Variants in TRPM2 observed in about 807,000 individuals in gnomAD.
TRPM2 encodes transient receptor potential cation channel subfamily M member 2.
A neutral mutation model predicts 174.0 loss-of-function variants in TRPM2; 161 were observed. That is an observed-to-expected ratio of 0.93 (90% CI 0.81 to 1.05). The LOEUF is 1.05. Ranked by LOEUF, TRPM2 falls within the 50% of genes least tolerant of loss-of-function variation. The probability of loss-of-function intolerance (pLI) is 0.00; values close to 1 mark genes in which losing one functional copy is unlikely to be tolerated. For synonymous variants in TRPM2, 954 were observed against 861.3 expected (o/e 1.11, Z -1.88); for missense variants, 2,057 against 2,038.0 (o/e 1.01, Z -0.18).
chr21:44,406,746 G>T lies in TRPM2; in HGVS notation c.2943G>T (p.Gln981His). The part of the protein sequence containing the change: ...VYHSYLTIFG[Q>H]IPGYIDGVNF... ...ACTCCTACCTCACCATCTTCGGGCAGATCCCGGGCTACATCGACGGTAGGA... is the reference window on the plus strand; with the variant it reads ...ACTCCTACCTCACCATCTTCGGGCATATCCCGGGCTACATCGACGGTAGGA... The change falls in exon 19 of 32, where the codon CAG (glutamine) becomes CAT (histidine). Residue 981 changes from glutamine (Q) to histidine (H), a missense_variant. Transcript: ENST00000397928. 1 of 1,606,218 alleles carries T rather than the reference G, an allele frequency of 6.2e-7. No homozygotes were observed. The highest frequency in any genetic ancestry group is 8.5e-7 in the Non-Finnish European group (1 of 1,178,150).
intron 22 of TRPM2, 149 bp downstream of exon 22, chr21:44,418,704 T>C (rs1233851954): frequency 4.7e-6 from 5 of 1,054,728 alleles, no homozygotes; most frequent in Non-Finnish European, 7.0e-6. Flanking sequence ...CCTGCAATGC[T>C]GCAGGCATCC....
intron 9 of TRPM2, among the ~76,000 whole-genome samples, chr21:44,383,817 C>G (rs904351448): frequency 2.0e-5 from 3 of 152,070 alleles, no homozygotes; most frequent in African/African-American, 4.8e-5. Flanking sequence ...CCAATGAAAA[C>G]AAAAGCACAA....
rs932214292 is a variant in TRPM2, at chr21:44,405,163, T to C, written c.2560T>C (p.Cys854Arg). The C allele has an allele frequency of 3.7e-6, 6 of 1,613,258 alleles. No homozygotes were observed. The highest frequency in any genetic ancestry group is 1.6e-4 in the Middle Eastern group (1 of 6,084). The change falls in exon 17 of 32, where the codon TGC becomes CGC. Residue 854 changes from cysteine (C) to arginine (R), a missense_variant. Physicochemically the swap from Cys to Arg is radical, Grantham distance 180. Transcript: ENST00000397928. Reference sequence around the variant, plus strand: ...GTAGCTCTTCTATGACCCTGACGAGTGCGGGCTGATGAAGAAGGCAGCCTT... The same window carrying C: ...GTAGCTCTTCTATGACCCTGACGAGCGCGGGCTGATGAAGAAGGCAGCCTT... Reference protein sequence around the residue: ...MRQLFYDPDECGLMKKAALYF... With the variant: ...MRQLFYDPDERGLMKKAALYF...
intron 16 of TRPM2, among the ~76,000 whole-genome samples, chr21:44,404,556 C>T (rs1273590046): frequency 6.6e-6 from 1 of 152,202 alleles, no homozygotes; most frequent in Non-Finnish European, 1.5e-5. Context: ...CCTCACTGAC[C>T]CAGCTCTCTT....
chr21:44,430,417 CT>C (rs1192354581), intron 27 of TRPM2, among the ~76,000 whole-genome samples: 10 of 43,568 alleles, frequency 2.3e-4, no homozygotes, highest in Admixed American at 7.1e-4. Flanking sequence ...AAGTGGATTT[CT>C]TTTTTTTTTT....
At chr21:44,402,470 C>T (rs998560003) in intron 16 of TRPM2, among the ~76,000 whole-genome samples, 4 of 152,168 alleles carry the variant, frequency 2.6e-5, no homozygotes, top group East Asian at 3.9e-4. Context: ...CATGGAGGCA[C>T]GTCCCCAGAG....
At position 44,364,147 on chromosome 21, in the gene TRPM2, G is replaced by A. The variant is rs767528920; in HGVS notation, c.288G>A (p.Glu96=). 4 of 1,614,144 alleles carry A rather than the reference G, an allele frequency of 2.5e-6. No individual in the cohort carries two copies. The South Asian group carries it at 4.4e-5, about 18-fold the overall frequency. Residue 96 remains glutamate, a synonymous_variant, in exon 3 of 32, where the codon GAG becomes GAA. Transcript: ENST00000397928. The part of the protein sequence containing the change: ...KVVCQCGYTH[E]QHLEEATKPH... ...TGTGTCAGTGTGGCTACACGCATGA[G>A]CAGCACTTGGAGGAGGCTACCAAGC...
intron 27 of TRPM2, among the ~76,000 whole-genome samples, chr21:44,429,691 A>G (rs2050958737): frequency 6.6e-6 from 1 of 152,104 alleles, no homozygotes; most frequent in African/African-American, 2.4e-5. Context: ...CTTCTCGTTA[A>G]TTATATAAAT....
intron 5 of TRPM2, 144 bp from the exon 6 acceptor site, chr21:44,375,689 G>A: frequency 1.1e-6 from 1 of 877,198 alleles, no homozygotes; most frequent in Non-Finnish European, 1.7e-6. Flanking sequence ...GATCACATGT[G>A]CAAAGTCGCT....
At chr21:44,423,789 G>C in intron 23 of TRPM2, 57 bp downstream of exon 23, 1 of 1,422,014 alleles carries the variant, frequency 7.0e-7, no homozygotes, top group African/African-American at 1.4e-5. Flanking sequence ...CTGGTGGGCG[G>C]CTCTGCCATG....
At chr21:44,436,166 C>A (rs1387661220) in intron 28 of TRPM2, among the ~76,000 whole-genome samples, 2 of 152,220 alleles carry the variant, frequency 1.3e-5, no homozygotes, top group African/African-American at 4.8e-5. Context: ...TGCTCTCACC[C>A]AAGGCACGGG....
At chr21:44,406,061 C>T (rs1190814525) in intron 18 of TRPM2, 24 bp downstream of exon 18, 2 of 1,600,436 alleles carry the variant, frequency 1.2e-6, no homozygotes, top group African/African-American at 1.3e-5. Context: ...GGCACCGGCT[C>T]CATCGCGGCC....
chr21:44,438,965 G>T lies in TRPM2; in HGVS notation c.4168-102G>T, dbSNP rs151286821. On this transcript the variant is annotated intron_variant, in intron 29 of 31. Coordinates refer to ENST00000397928, the MANE Select transcript of TRPM2 (RefSeq NM_003307.4). This position sits in a 1 kb window ranked among gnomAD's most constrained non-coding sequence, Gnocchi z 5.9. ...TGCCTGTGGCTCCCAGGGCTGGGCC[G>T]CTGCCCACGCCGGGCAGGAGGCCAG... The T allele has an allele frequency of 6.6e-6, 6 of 905,488 alleles. No individual in the cohort carries two copies. In the South Asian group the frequency reaches 8.9e-5, roughly 13 times the overall value. The allele number at this position is 905,488 out of a possible 1,614,324, so 56.1% of individuals were successfully genotyped here.
At chr21:44,409,383 CA>C (rs1345695670) in intron 19 of TRPM2, among the ~76,000 whole-genome samples, 2 of 152,204 alleles carry the variant, frequency 1.3e-5, no homozygotes, top group Non-Finnish European at 2.9e-5. Flanking sequence ...TGTTGAAAAT[CA>C]GTGGACCATT....
chr21:44,430,391 C>A (rs1209753054), intron 27 of TRPM2, among the ~76,000 whole-genome samples: 5 of 151,362 alleles, frequency 3.3e-5, no homozygotes, highest in African/African-American at 4.8e-5. Context: ...ACTGTTAGCT[C>A]TAACATATTT....
At chr21:44,371,145 A>G (rs1250919952) in intron 5 of TRPM2, among the ~76,000 whole-genome samples, 1 of 152,124 alleles carries the variant, frequency 6.6e-6, no homozygotes, top group Non-Finnish European at 1.5e-5. Context: ...GGGGAAGAGC[A>G]TTCCTTGCTG....
rs114789339 is a variant in TRPM2 at position 44,436,807 on chromosome 21, A to G, written c.4062-255A>G. On this transcript the variant is annotated intron_variant, in intron 28 of 31. Transcript: ENST00000397928. ...GGCAGGTACCTCTCTAAGGATTTTA[A>G]TGTTTAAAAAATTCTCCATGAAGGC... 2.6e-3 allele frequency among the ~76,000 whole-genome samples: 398 copies of G among 152,148 alleles called. 7 individuals carry two copies. The highest frequency in any genetic ancestry group is 9.1e-3 in the African/African-American group (377 of 41,492).
rs542310475 is a variant in TRPM2 at position 44,358,299 on chromosome 21, A to G, written c.254+3563A>G. 1.0e-3 allele frequency among the ~76,000 whole-genome samples: 144 copies of G among 141,196 alleles called. 4 individuals carry two copies. The South Asian group carries it at 0.03, about 29-fold the overall frequency. The allele number at this position is 141,196 out of a possible 152,430, so 92.6% of individuals were successfully genotyped here. On this transcript the variant is annotated intron_variant, in intron 2 of 31. Coordinates refer to ENST00000397928, the MANE Select transcript of TRPM2 (RefSeq NM_003307.4). ...ATGACTTCTCTTCCCTGGGCCACCA[A>G]TCCTCATCTGTGAGCGCAGAGACTG...
chr21:44,441,436 T>C (rs1483353429), intron 31 of TRPM2, among the ~76,000 whole-genome samples: 1 of 152,198 alleles, frequency 6.6e-6, no homozygotes, highest in Non-Finnish European at 1.5e-5. Flanking sequence ...GGAAATTCCA[T>C]AAATAACCCC....
Sources: allele counts gnomAD v4.1 joint callset (sites outside exome capture counted in the v4.1 genomes callset), GRCh38; gene constraint gnomAD v4.1.1; non-coding constraint Gnocchi (gnomAD v3.1); transcripts MANE v1.5; gene names NCBI Gene and HGNC (gene_info 2026-07-23, HGNC 2026-07-21).